The following ULK4 variants were observed in gnomAD, a reference collection of about 807,000 sequenced individuals.
The protein encoded by ULK4 is unc-51 like kinase 4, also known as inactive serine/threonine-protein kinase ULK4.
ULK4 carries 133 observed loss-of-function variants against 160.6 expected under a neutral mutation model. The ratio of observed to expected loss-of-function variants is 0.83; its 90% CI spans 0.72 to 0.96. The LOEUF is 0.96. Ranked by LOEUF, ULK4 falls within the 40% of genes least tolerant of loss-of-function variation. The pLI, the probability that ULK4 is intolerant of heterozygous loss-of-function variation, is 0.00. For missense variants in ULK4, 1,580 were observed against 1,499.5 expected, an observed-to-expected ratio of 1.05 and a Z score of -0.89; for synonymous variants, 534 against 539.8, an observed-to-expected ratio of 0.99 and a Z score of 0.15.
intron 31 of ULK4, among the ~76,000 whole-genome samples, chr3:41,600,568 G>A (rs1242604116): frequency 6.6e-6 from 1 of 152,174 alleles, no homozygotes; most frequent in African/African-American, 2.4e-5. Flanking sequence ...TGCAGCTTGT[G>A]AACAACACTG....
chr3:41,348,372 G>A (rs899162457), intron 35 of ULK4, among the ~76,000 whole-genome samples: 1 of 152,136 alleles, frequency 6.6e-6, no homozygotes, highest in African/African-American at 2.4e-5. Flanking sequence ...TGGGGAACAA[G>A]GTAAAGGCTG....
At chr3:41,944,275 T>C (rs1348393536) in intron 2 of ULK4, among the ~76,000 whole-genome samples, 6 of 152,194 alleles carry the variant, frequency 3.9e-5, no homozygotes, top group Non-Finnish European at 5.9e-5. Context: ...AGTTTGCAAG[T>C]GCAGTTTCCT....
At chr3:41,694,572 T>C (rs1274338716) in intron 27 of ULK4, among the ~76,000 whole-genome samples, 1 of 152,158 alleles carries the variant, frequency 6.6e-6, no homozygotes, top group African/African-American at 2.4e-5. Flanking sequence ...GGCCTCAGTA[T>C]CTGAGAGAGA....
intron 30 of ULK4, among the ~76,000 whole-genome samples, chr3:41,645,616 G>A (rs1295833490): frequency 2.6e-5 from 4 of 152,166 alleles, no homozygotes; most frequent in Non-Finnish European, 2.9e-5. Context: ...TTCCAAGTAT[G>A]TGGTCAATTT....
intron 32 of ULK4, among the ~76,000 whole-genome samples, chr3:41,482,306 A>G (rs554802210): frequency 4.0e-4 from 61 of 152,226 alleles, no homozygotes; most frequent in African/African-American, 1.2e-3. Context: ...GAAGGAGAAA[A>G]TGGCATCCTT....
intron 18 of ULK4, among the ~76,000 whole-genome samples, chr3:41,829,089 C>G (rs2125643869): frequency 6.6e-6 from 1 of 151,200 alleles, no homozygotes; most frequent in Non-Finnish European, 1.5e-5. Context: ...AACTGGCTAG[C>G]CATATGTAGA....
chr3:41,721,909 G>A (rs1001919871), intron 22 of ULK4, among the ~76,000 whole-genome samples: 7 of 152,138 alleles, frequency 4.6e-5, no homozygotes, highest in Non-Finnish European at 1.0e-4. Context: ...TGTGGTTTGT[G>A]TCCATTACAA....
chr3:41,551,346 G>GT (rs2087057300), intron 32 of ULK4, among the ~76,000 whole-genome samples: 2 of 151,316 alleles, frequency 1.3e-5, no homozygotes, highest in East Asian at 1.9e-4. Context: ...GAAAAGTTTG[G>GT]TTTTTTTGAA....
chr3:41,919,670 G>A lies in ULK4; in HGVS notation c.643+47C>T, dbSNP rs771291525. The A allele has an allele frequency of 4.0e-6, 6 of 1,489,948 alleles. No homozygotes were observed. The Admixed American group carries it at 6.8e-5, about 17-fold the overall frequency. 92.3% of individuals were successfully genotyped at this position (1,489,948 alleles called of 1,614,324 possible). Reference sequence around the variant, plus strand: ...CATCTGCAAAGTACAGACTTAACCTGGTTTTTAGTCCAGCTCTGATTTTAT... The same window carrying A: ...CATCTGCAAAGTACAGACTTAACCTAGTTTTTAGTCCAGCTCTGATTTTAT... On this transcript the variant is annotated intron_variant, in intron 6 of 36. Coordinates refer to ENST00000301831, the MANE Select transcript of ULK4 (RefSeq NM_017886.4).
At chr3:41,416,631 C>A (rs7652096) in intron 34 of ULK4, among the ~76,000 whole-genome samples, 87,114 of 151,858 alleles carry the variant, frequency 0.57, 26,505 homozygotes, top group African/African-American at 0.81. Context: ...ATAGTGCTGG[C>A]AGGAAAAAGA....
rs546279371 is a variant in ULK4, at chr3:41,822,822, C to T, written c.1765-3316G>A. ...CTGCAAGCTCCGCCTCCCAGGTTCA[C>T]GCCATTCTCCTGCCTCAGCCTCCCA... On this transcript the variant is annotated intron_variant, in intron 18 of 36. Coordinates refer to ENST00000301831, the MANE Select transcript of ULK4 (RefSeq NM_017886.4). 2.3e-3 allele frequency among the ~76,000 whole-genome samples: 331 copies of T among 142,816 alleles called. 1 individual carries two copies. Among genetic ancestry groups the T allele is most frequent in the African/African-American group, 8.0e-3 (302 of 37,556 alleles). 93.7% of individuals were successfully genotyped at this position (142,816 alleles called of 152,430 possible).
rs942114342 is a variant in ULK4, at chr3:41,469,623, A to C, written c.3227-6370T>G. The stretch of plus-strand genomic sequence containing the variant: ...CTGCCAAAAAAAAAAAAAAAAAAAA[A>C]AAAACACCTTAAAAGCCTAAAAAGA... On this transcript the variant is annotated intron_variant, in intron 32 of 36. Coordinates refer to ENST00000301831, the MANE Select transcript of ULK4 (RefSeq NM_017886.4). 2.0e-4 allele frequency among the ~76,000 whole-genome samples: 30 copies of C among 148,928 alleles called. 1 individual carries two copies. Among genetic ancestry groups the C allele is most frequent in the African/African-American group, 7.2e-4 (29 of 40,346 alleles).
chr3:41,657,284 T>C (rs975069626), intron 30 of ULK4, among the ~76,000 whole-genome samples: 3 of 152,138 alleles, frequency 2.0e-5, no homozygotes, highest in African/African-American at 7.2e-5. Context: ...AATAAACACA[T>C]AAAAATCATA....
intron 35 of ULK4, among the ~76,000 whole-genome samples, chr3:41,268,501 C>T (rs1323188661): frequency 6.6e-6 from 1 of 152,158 alleles, no homozygotes; most frequent in Non-Finnish European, 1.5e-5. Flanking sequence ...TTCTGGCAGA[C>T]TACCCTTAAA....
intron 35 of ULK4, among the ~76,000 whole-genome samples, chr3:41,378,746 G>A (rs1281149324): frequency 8.7e-5 from 13 of 150,152 alleles, no homozygotes; most frequent in South Asian, 2.1e-4. Context: ...AAACCTGCAC[G>A]TTGTGCACAT....
rs552781255 is a variant in ULK4 at position 41,448,591 on chromosome 3, T to C, written c.3492+6906A>G. On this transcript the variant is annotated intron_variant, in intron 34 of 36. Coordinates refer to ENST00000301831, the MANE Select transcript of ULK4 (RefSeq NM_017886.4). ...TCTGACTGTACCATGGAGAAGACAG[T>C]AGAGGGAGCAAGAACAGGCAGAGAA... Among the ~76,000 whole-genome samples the C allele has an allele frequency of 2.6e-5, 4 of 152,208 alleles. No homozygotes were observed. In the East Asian group the frequency reaches 7.7e-4, roughly 29 times the overall value.
chr3:41,273,098 T>G (rs1350502426), intron 35 of ULK4, among the ~76,000 whole-genome samples: 3 of 152,234 alleles, frequency 2.0e-5, no homozygotes, highest in Non-Finnish European at 4.4e-5. Flanking sequence ...ATTATGAAAT[T>G]ATAAAATTGT....
intron 32 of ULK4, among the ~76,000 whole-genome samples, chr3:41,483,943 T>G (rs190990069): frequency 3.0e-3 from 450 of 152,266 alleles, no homozygotes; most frequent in Non-Finnish European, 5.5e-3. Flanking sequence ...TCAGCTTGGT[T>G]TTCCAAGGCA....
At chr3:41,302,024 T>A (rs2079810588) in intron 35 of ULK4, among the ~76,000 whole-genome samples, 1 of 152,184 alleles carries the variant, frequency 6.6e-6, no homozygotes, top group African/African-American at 2.4e-5. Context: ...GCGAAGCACC[T>A]GAATGAGGGA....
Sources: allele counts gnomAD v4.1 joint callset (sites outside exome capture counted in the v4.1 genomes callset), GRCh38; gene constraint gnomAD v4.1.1; transcripts MANE v1.5; gene names NCBI Gene and HGNC (gene_info 2026-07-23, HGNC 2026-07-21).